The following NPAS2 variants were observed in gnomAD, a reference collection of about 807,000 sequenced individuals.
NPAS2 encodes neuronal PAS domain-containing protein 2.
NPAS2 carries 23 observed loss-of-function variants against 107.5 expected under a neutral mutation model. That is an observed-to-expected ratio of 0.21 (90% confidence interval 0.15 to 0.30). The LOEUF is 0.30. NPAS2 is among the 10% of genes least tolerant of loss of function. NPAS2 has a pLI of 1.00. For synonymous variants in NPAS2, 403 were observed against 417.5 expected (o/e 0.97, Z 0.42); for missense variants, 756 against 1,043.3 (o/e 0.72, Z 3.79).
intron 10 of NPAS2, among the ~76,000 whole-genome samples, chr2:100,967,744 G>C (rs545293346): frequency 7.4e-4 from 113 of 152,214 alleles, no homozygotes; most frequent in African/African-American, 2.3e-3. Context: ...CATCACTATG[G>C]GGGGGCTGCA....
At chr2:100,920,034 C>T (rs188787448) in intron 2 of NPAS2, among the ~76,000 whole-genome samples, 102 of 152,256 alleles carry the variant, frequency 6.7e-4, no homozygotes, top group African/African-American at 2.2e-3. Flanking sequence ...CTTGATGGAG[C>T]GCCTTGTGCA....
intron 1 of NPAS2, among the ~76,000 whole-genome samples, chr2:100,882,837 CT>C (rs1259418606): frequency 6.6e-6 from 1 of 152,192 alleles, no homozygotes; most frequent in Non-Finnish European, 1.5e-5. Flanking sequence ...CATGCACTTT[CT>C]CTGTGGAAGA....
intron 2 of NPAS2, among the ~76,000 whole-genome samples, chr2:100,907,216 T>C (rs1682213134): frequency 6.6e-6 from 1 of 152,118 alleles, no homozygotes; most frequent in African/African-American, 2.4e-5. Context: ...TCAGCAAATA[T>C]AGACATGCCA....
At chr2:100,915,936 C>T (rs1418460571) in intron 2 of NPAS2, among the ~76,000 whole-genome samples, 3 of 151,960 alleles carry the variant, frequency 2.0e-5, no homozygotes, top group African/African-American at 7.3e-5. Flanking sequence ...GTACATAAGA[C>T]AATTGCAGCA....
At chr2:100,955,075 G>A (rs1049726750) in intron 7 of NPAS2, among the ~76,000 whole-genome samples, 2 of 152,112 alleles carry the variant, frequency 1.3e-5, no homozygotes, top group African/African-American at 2.4e-5. Context: ...ATGGGGTTTC[G>A]TCATGTTTGC....
chr2:100,840,060 C>G (rs987000273), intron 1 of NPAS2, among the ~76,000 whole-genome samples: 6 of 152,104 alleles, frequency 3.9e-5, no homozygotes, highest in African/African-American at 1.4e-4. Context: ...TGGCATTACT[C>G]CGTTCACCTA....
chr2:100,965,813 C>A lies in NPAS2; in HGVS notation c.907+47C>A. 1 of 1,216,774 alleles carries A rather than the reference C, an allele frequency of 8.2e-7. No individual in the cohort carries two copies. The highest frequency in any genetic ancestry group is 1.2e-6 in the Non-Finnish European group (1 of 827,644). The allele number at this position is 1,216,774 out of a possible 1,614,324, so 75.4% of individuals were successfully genotyped here. A position where few individuals can be genotyped will look rare whatever the true frequency, so the allele number is the denominator to read the frequency against. On this transcript the variant is annotated intron_variant, in intron 10 of 20. Coordinates refer to ENST00000335681, the MANE Select transcript of NPAS2 (RefSeq NM_002518.4). This position sits in a 1 kb window ranked among gnomAD's most constrained non-coding sequence, Gnocchi z 4.3. ...AGGCATGGGGGCCTTGCGTTCACTC[C>A]ACTGGGGCCCAGCAGCAGGGCTCTG... is the stretch of plus-strand genomic sequence containing the variant.
At chr2:100,862,649 C>T (rs926378899) in intron 1 of NPAS2, among the ~76,000 whole-genome samples, 4 of 152,160 alleles carry the variant, frequency 2.6e-5, no homozygotes, top group African/African-American at 7.2e-5. Flanking sequence ...GTTATCCACA[C>T]GTACCATGGC....
At chr2:100,866,751 G>T (rs550925535) in intron 1 of NPAS2, among the ~76,000 whole-genome samples, 1 of 152,148 alleles carries the variant, frequency 6.6e-6, no homozygotes, top group African/African-American at 2.4e-5. Flanking sequence ...AAAGATTCCT[G>T]CTCTCATTTT....
intron 3 of NPAS2, among the ~76,000 whole-genome samples, chr2:100,930,684 T>C (rs1400020300): frequency 6.6e-6 from 1 of 152,304 alleles, no homozygotes; most frequent in East Asian, 1.9e-4. Flanking sequence ...GTTGTTGAAA[T>C]ACAAAGTGAA....
chr2:100,953,219 A>G (rs1221875491), intron 7 of NPAS2, among the ~76,000 whole-genome samples: 1 of 151,896 alleles, frequency 6.6e-6, no homozygotes, highest in Admixed American at 6.6e-5. Flanking sequence ...TACTAAAAAT[A>G]CAAGAATTAG....
chr2:100,828,726 G>C (rs1317556968), intron 1 of NPAS2, among the ~76,000 whole-genome samples: 2 of 152,154 alleles, frequency 1.3e-5, no homozygotes, highest in African/African-American at 4.8e-5. Flanking sequence ...CTTTATTTCT[G>C]AGTCCTCTCT....
At chr2:100,887,993 A>T (rs956118634) in intron 1 of NPAS2, among the ~76,000 whole-genome samples, 1 of 152,198 alleles carries the variant, frequency 6.6e-6, no homozygotes, top group Non-Finnish European at 1.5e-5. Context: ...TACAGATGGC[A>T]GTCTTCTGAG....
intron 20 of NPAS2, chr2:100,995,080 T>C (rs1678367835): frequency 3.1e-6 from 1 of 327,636 alleles, no homozygotes; most frequent in Non-Finnish European, 5.5e-6. Context: ...CCAAAAACAT[T>C]GTGGCTACAT....
chr2:100,950,294 T>C (rs1009660330), intron 7 of NPAS2, among the ~76,000 whole-genome samples: 2 of 150,980 alleles, frequency 1.3e-5, no homozygotes, highest in Non-Finnish European at 3.0e-5. Flanking sequence ...GGAAAAAAAA[T>C]AAAATAAAGC....
At chr2:100,897,245 T>A (rs1573570325) in intron 1 of NPAS2, among the ~76,000 whole-genome samples, 1 of 151,978 alleles carries the variant, frequency 6.6e-6, no homozygotes, top group African/African-American at 2.4e-5. Flanking sequence ...GAGATTTCAG[T>A]GGGGACACAG....
At position 100,968,260 on chromosome 2, in the gene NPAS2, G is replaced by A. The variant is rs1279285208; in HGVS notation, c.908-21G>A. 3.3e-5 allele frequency: 54 copies of A among 1,612,122 alleles called. No homozygotes were observed. The highest frequency in any genetic ancestry group is 4.6e-5 in the Non-Finnish European group (54 of 1,178,378). On this transcript the variant is annotated intron_variant, in intron 10 of 20. Coordinates refer to ENST00000335681, the MANE Select transcript of NPAS2 (RefSeq NM_002518.4). The surrounding 1 kb of genome is among the most constrained non-coding windows in gnomAD (Gnocchi z 5.3). ...TTCATATTAACATTGGTTATATGCG[G>A]AATCCATTTTCTACCGACAGTGATG...
At chr2:100,881,907 C>T (rs1028508489) in intron 1 of NPAS2, among the ~76,000 whole-genome samples, 11 of 152,190 alleles carry the variant, frequency 7.2e-5, no homozygotes, top group African/African-American at 2.7e-4. Context: ...TGCTTCAGCT[C>T]TCTGTGACAC....
intron 7 of NPAS2, among the ~76,000 whole-genome samples, chr2:100,963,111 G>C (rs1391178318): frequency 1.3e-5 from 2 of 152,222 alleles, no homozygotes; most frequent in Non-Finnish European, 2.9e-5. Flanking sequence ...TGTTCCTCTG[G>C]GGGTGACCCC....
Sources: allele counts gnomAD v4.1 joint callset (sites outside exome capture counted in the v4.1 genomes callset), GRCh38; gene constraint gnomAD v4.1.1; non-coding constraint Gnocchi (gnomAD v3.1); transcripts MANE v1.5; gene names NCBI Gene and HGNC (gene_info 2026-07-23, HGNC 2026-07-21).